Variants in ANK2 observed in about 807,000 individuals in gnomAD.
ANK2 encodes the protein ankyrin 2, also known as ankyrin-2.
ANK2 carries 83 observed loss-of-function variants against 360.5 expected under a neutral mutation model. The ratio of observed to expected loss-of-function variants is 0.23; its 90% CI spans 0.19 to 0.28. The LOEUF (loss-of-function observed/expected upper bound fraction) is 0.28, where lower values mean the gene tolerates loss of function less well. Ranked by LOEUF, ANK2 falls within the 10% of genes least tolerant of loss-of-function variation. The probability of loss-of-function intolerance (pLI) is 1.00; values close to 1 mark genes in which losing one functional copy is unlikely to be tolerated. For synonymous variants in ANK2, 1,740 were observed against 1,759.5 expected (o/e 0.99, Z 0.28); for missense variants, 4,201 against 4,795.7 (o/e 0.88, Z 3.66).
At chr4:113,139,349 A>G (rs1260804809) in intron 1 of ANK2, among the ~76,000 whole-genome samples, 1 of 152,166 alleles carries the variant, frequency 6.6e-6, no homozygotes, top group African/African-American at 2.4e-5. Context: ...CCAGATGGAA[A>G]CTTACTACAA....
upstream of ANK2, among the ~76,000 whole-genome samples, chr4:112,813,886 A>G (rs1212603334): frequency 6.6e-6 from 1 of 152,212 alleles, no homozygotes; most frequent in Non-Finnish European, 1.5e-5. Context: ...ATGCAGTATG[A>G]ATGAGTCGTC....
At chr4:113,047,724 T>C (rs1007777153), upstream of ANK2, among the ~76,000 whole-genome samples, 1 of 152,014 alleles carries the variant, frequency 6.6e-6, no homozygotes, top group Non-Finnish European at 1.5e-5. Flanking sequence ...GGCTGTGTGA[T>C]CCAAGATACC....
intron 1 of ANK2, among the ~76,000 whole-genome samples, chr4:113,087,881 A>T (rs1221228204): frequency 6.6e-6 from 1 of 152,108 alleles, no homozygotes; most frequent in Non-Finnish European, 1.5e-5. Flanking sequence ...TATTCACTTC[A>T]TTGTCTTGCA....
intron 2 of ANK2, chr4:112,979,525 T>C (rs913365788): frequency 2.0e-5 from 3 of 152,206 alleles, no homozygotes; most frequent in Admixed American, 2.0e-4. Context: ...TCAGCCCTGT[T>C]TGTCTTACAG....
At chr4:112,787,435 AG>A in the ANK2 span, among the ~76,000 whole-genome samples, 2 of 152,176 alleles carry the variant, frequency 1.3e-5, no homozygotes, top group Non-Finnish European at 2.9e-5. Flanking sequence ...TTTAAGATAA[AG>A]GGGTTTATTA....
intron 1 of ANK2, among the ~76,000 whole-genome samples, chr4:112,829,478 G>A: frequency 1.8e-5 from 1 of 56,712 alleles, no homozygotes; most frequent in Non-Finnish European, 3.1e-5. Flanking sequence ...AACATAGTAT[G>A]AGCCCATCTC....
chr4:113,311,198 T>C (rs1312185599), intron 23 of ANK2, 57 bp from the exon 24 acceptor site: 1 of 1,606,548 alleles, frequency 6.2e-7, no homozygotes, highest in Non-Finnish European at 8.5e-7. Context: ...TGACCATATG[T>C]TGTAGTTGAT....
At chr4:112,943,668 C>T (rs1172904861) in intron 2 of ANK2, among the ~76,000 whole-genome samples, 1 of 151,936 alleles carries the variant, frequency 6.6e-6, no homozygotes, top group African/African-American at 2.4e-5. Context: ...TATTTTACTA[C>T]AGATGTGTGT....
intron 2 of ANK2, among the ~76,000 whole-genome samples, chr4:113,192,479 T>C (rs2098683077): frequency 6.6e-6 from 1 of 152,160 alleles, no homozygotes; most frequent in Non-Finnish European, 1.5e-5. Flanking sequence ...AGCAGTCCAT[T>C]AGATTGAATT....
intron 15 of ANK2, 72 bp from the exon 16 acceptor site, chr4:113,277,765 T>A: frequency 7.8e-7 from 1 of 1,283,430 alleles, no homozygotes; most frequent in African/African-American, 1.5e-5. Context: ...CTCAATATGT[T>A]AACAAATAAA....
At chr4:112,859,475 T>C (rs1027363099) in intron 1 of ANK2, among the ~76,000 whole-genome samples, 22 of 152,334 alleles carry the variant, frequency 1.4e-4, no homozygotes, top group Admixed American at 1.4e-3. Context: ...GTGTATGTTT[T>C]ACTGATCTAC....
intron 2 of ANK2, among the ~76,000 whole-genome samples, chr4:112,931,058 A>G (rs1209571635): frequency 1.3e-5 from 2 of 152,178 alleles, no homozygotes; most frequent in African/African-American, 4.8e-5. Context: ...TGGAGGCCTC[A>G]AGGTATGAGT....
intron 2 of ANK2, among the ~76,000 whole-genome samples, chr4:113,007,860 T>C (rs1217387153): frequency 6.6e-6 from 1 of 152,098 alleles, no homozygotes; most frequent in Non-Finnish European, 1.5e-5. Context: ...TGAAACCATA[T>C]TGTATTGTGG....
At chr4:113,062,646 G>A (rs1006507219) in intron 1 of ANK2, among the ~76,000 whole-genome samples, 1 of 152,026 alleles carries the variant, frequency 6.6e-6, no homozygotes, top group African/African-American at 2.4e-5. Flanking sequence ...AGAATATATG[G>A]TTCCACATGG....
chr4:113,046,166 C>T (rs189720501), upstream of ANK2, among the ~76,000 whole-genome samples: 30 of 152,226 alleles, frequency 2.0e-4, no homozygotes, highest in East Asian at 5.6e-3. Context: ...AACATCTTGA[C>T]ATTTTCTATA....
At chr4:113,352,739 GTTTT>G (rs887455131) in intron 37 of ANK2, among the ~76,000 whole-genome samples, 7 of 150,940 alleles carry the variant, frequency 4.6e-5, no homozygotes, top group African/African-American at 1.7e-4. Flanking sequence ...GATATGTAGT[GTTTT>G]TTTGTGTGTG....
intron 2 of ANK2, among the ~76,000 whole-genome samples, chr4:112,999,719 C>A (rs1301829542): frequency 6.6e-6 from 1 of 151,406 alleles, no homozygotes; most frequent in Non-Finnish European, 1.5e-5. Flanking sequence ...TTCAGAATTC[C>A]AATCATAGAG....
intron 1 of ANK2, among the ~76,000 whole-genome samples, chr4:112,863,583 C>T (rs1452881486): frequency 1.6e-5 from 2 of 128,246 alleles, no homozygotes; most frequent in Admixed American, 2.0e-4. Context: ...AGTGCAGTGG[C>T]GCGATCTCGG....
intron 2 of ANK2, among the ~76,000 whole-genome samples, chr4:112,957,771 G>C (rs1250609048): frequency 2.7e-5 from 4 of 149,900 alleles, no homozygotes; most frequent in Non-Finnish European, 5.9e-5. Flanking sequence ...GGTGGCTGCC[G>C]GGCGGAGGGG....
Sources: allele counts gnomAD v4.1 joint callset (sites outside exome capture counted in the v4.1 genomes callset), GRCh38; gene constraint gnomAD v4.1.1; transcripts MANE v1.5; gene names NCBI Gene and HGNC (gene_info 2026-07-23, HGNC 2026-07-21).